The following NOMO1 variants were observed in gnomAD, a reference collection of about 807,000 sequenced individuals.
The protein encoded by NOMO1 is NODAL modulator 1, also known as nodal modulator 3.
A neutral mutation model predicts 133.8 loss-of-function variants in NOMO1; 40 were observed. The ratio of observed to expected loss-of-function variants is 0.30; its 90% CI spans 0.23 to 0.39. The LOEUF (loss-of-function observed/expected upper bound fraction) is 0.39. NOMO1 is among the 10% of genes least tolerant of loss of function. NOMO1 has a pLI of 1.00. For synonymous variants in NOMO1, 236 were observed against 570.5 expected, an observed-to-expected ratio of 0.41 and a Z score of 8.36; for missense variants, 462 against 1,419.9, an observed-to-expected ratio of 0.33 and a Z score of 10.84.
At chr16:14,860,350 A>C (rs960793944) in intron 11 of NOMO1, among the ~76,000 whole-genome samples, 4 of 150,258 alleles carry the variant, frequency 2.7e-5, no homozygotes, top group African/African-American at 9.8e-5. Flanking sequence ...CCTGGGCGAC[A>C]GGGTGAGATT....
chr16:14,868,397 G>T lies in NOMO1; in HGVS notation c.1807-151G>T, dbSNP rs1371172266. On this transcript the variant is annotated intron_variant, in intron 15 of 30. Coordinates refer to ENST00000287667, the MANE Select transcript of NOMO1 (RefSeq NM_014287.4). ...GAAAAATAGCACACTTTTGTTGGAA[G>T]TTTTGGGAGGTTTTTAATTTTCCTG... 1.2e-5 allele frequency: 7 copies of T among 576,414 alleles called. No homozygotes were observed. In the African/African-American group the frequency reaches 1.6e-4, roughly 13 times the overall value. The allele number at this position is 576,414 out of a possible 1,614,324, so 35.7% of individuals were successfully genotyped here.
intron 8 of NOMO1, 39 bp downstream of exon 8, chr16:14,853,643 C>T (rs752903871): frequency 6.8e-6 from 11 of 1,611,392 alleles, no homozygotes; most frequent in African/African-American, 1.3e-5. Flanking sequence ...ATGTCTGAGA[C>T]TCTCATGACA....
At chr16:14,885,552 A>C (rs1829344037) in intron 27 of NOMO1, among the ~76,000 whole-genome samples, 1 of 151,254 alleles carries the variant, frequency 6.6e-6, no homozygotes, top group African/African-American at 2.4e-5. Context: ...AGTATTTGGC[A>C]TGGGTGAGAA....
chr16:14,891,434 C>G (rs1964404010), intron 29 of NOMO1, among the ~76,000 whole-genome samples: 1 of 151,704 alleles, frequency 6.6e-6, no homozygotes, highest in Non-Finnish European at 1.5e-5. Context: ...TACTTTATTT[C>G]TATGTTAAAT....
intron 26 of NOMO1, among the ~76,000 whole-genome samples, chr16:14,883,772 G>A (rs2151010084): frequency 6.6e-6 from 1 of 151,332 alleles, no homozygotes; most frequent in South Asian, 2.1e-4. Context: ...CTGTGGCCGG[G>A]CAGGTATGAA....
intron 6 of NOMO1, among the ~76,000 whole-genome samples, chr16:14,851,014 G>T (rs1177381322): frequency 2.0e-5 from 3 of 147,082 alleles, no homozygotes; most frequent in Non-Finnish European, 1.5e-5. Flanking sequence ...AACCTGGGAG[G>T]TGGAGGTAGC....
chr16:14,894,173 T>A (rs1215834292), intron 29 of NOMO1, among the ~76,000 whole-genome samples: 3 of 151,792 alleles, frequency 2.0e-5, no homozygotes, highest in Non-Finnish European at 2.9e-5. Context: ...TGTCCAGGAG[T>A]GACCAGTGCA....
At chr16:14,836,466 T>C (rs1462872679) in intron 1 of NOMO1, among the ~76,000 whole-genome samples, 1 of 152,050 alleles carries the variant, frequency 6.6e-6, no homozygotes, top group Non-Finnish European at 1.5e-5. Context: ...TCATGGTTTG[T>C]TTCATGGTCA....
chr16:14,860,778 A>G (rs1470147960), intron 11 of NOMO1, among the ~76,000 whole-genome samples: 1 of 152,040 alleles, frequency 6.6e-6, no homozygotes, highest in African/African-American at 2.4e-5. Context: ...ACATTTTTGG[A>G]AAAATCTCTG....
intron 22 of NOMO1, among the ~76,000 whole-genome samples, chr16:14,878,024 A>G (rs1964185849): frequency 6.7e-6 from 1 of 149,610 alleles, no homozygotes; most frequent in African/African-American, 2.5e-5. Context: ...TGCAGTAGTT[A>G]AGAAACAGGC....
At chr16:14,835,368 T>A (rs1439536343) in intron 1 of NOMO1, among the ~76,000 whole-genome samples, 1 of 151,196 alleles carries the variant, frequency 6.6e-6, no homozygotes, top group Non-Finnish European at 1.5e-5. Context: ...TGCCACCGCC[T>A]AGGTCTGCAC....
At chr16:14,893,558 C>G (rs1161197034) in intron 29 of NOMO1, among the ~76,000 whole-genome samples, 2 of 151,972 alleles carry the variant, frequency 1.3e-5, no homozygotes, top group Non-Finnish European at 2.9e-5. Flanking sequence ...TCCAAAGATA[C>G]AGGAGTAGGC....
chr16:14,845,457 AGAG>A (rs1296922475), intron 4 of NOMO1, among the ~76,000 whole-genome samples: 1 of 152,076 alleles, frequency 6.6e-6, no homozygotes, highest in Non-Finnish European at 1.5e-5. Flanking sequence ...CTTCTCCCAG[AGAG>A]AGCATGCATC....
At chr16:14,864,463 A>G (rs1204125260) in intron 12 of NOMO1, 122 bp from the exon 13 acceptor site, 1 of 1,529,048 alleles carries the variant, frequency 6.5e-7, no homozygotes, top group African/African-American at 1.4e-5. Flanking sequence ...CGGCCTGGAA[A>G]CGAACCTTTG....
rs1462442071 is a variant in NOMO1, at chr16:14,886,205, A to G, written c.3223-556A>G. On this transcript the variant is annotated intron_variant, in intron 27 of 30. Coordinates refer to ENST00000287667, the MANE Select transcript of NOMO1 (RefSeq NM_014287.4). Reference sequence around the variant, plus strand: ...TGAAGCAGCGTGGAGAGCCACGTACATGATGGAATGCGTTTTGAGTTTAAC... The same window carrying G: ...TGAAGCAGCGTGGAGAGCCACGTACGTGATGGAATGCGTTTTGAGTTTAAC... Among the ~76,000 whole-genome samples, 3 of 151,082 alleles carry G rather than the reference A, an allele frequency of 2.0e-5. No homozygotes were observed. The East Asian group carries it at 5.8e-4, about 29-fold the overall frequency.
intron 18 of NOMO1, among the ~76,000 whole-genome samples, chr16:14,874,034 C>G (rs1248151687): frequency 1.4e-4 from 6 of 42,384 alleles, no homozygotes; most frequent in Admixed American, 3.8e-4. Context: ...GGTCTGACCC[C>G]CCTCTGGGGT....
In NOMO1 at chr16:14,871,573, G is replaced by T. The variant is rs142613400; in HGVS notation, c.1895-48G>T. ...ATTTCAGATGTCGGAATTGCTCGGT[G>T]TAATAGATGCCATTCTCTGAAAATT... On this transcript the variant is annotated intron_variant, in intron 16 of 30. Coordinates refer to ENST00000287667, the MANE Select transcript of NOMO1 (RefSeq NM_014287.4). The T allele has an allele frequency of 8.0e-4, 1,283 of 1,611,064 alleles. 26 individuals carry two copies. The African/African-American group carries it at 0.015, about 19-fold the overall frequency.
intron 9 of NOMO1, 144 bp from the exon 10 acceptor site, chr16:14,857,073 G>C: frequency 9.5e-7 from 1 of 1,049,246 alleles, no homozygotes; most frequent in Admixed American, 2.0e-5. Context: ...AGCCTGGCTG[G>C]CACACAGGAC....
intron 23 of NOMO1, 95 bp downstream of exon 23, chr16:14,878,929 A>G (rs1964202193): frequency 1.9e-6 from 3 of 1,545,778 alleles, no homozygotes; most frequent in Non-Finnish European, 2.7e-6. Flanking sequence ...CAACGTGAGA[A>G]GAGAAAGCCA....
Sources: gnomAD v4.1 joint callset for allele counts (sites outside exome capture counted in the v4.1 genomes callset) on GRCh38, gnomAD v4.1.1 for gene constraint, MANE v1.5 for transcripts, NCBI Gene and HGNC (gene_info 2026-07-23, HGNC 2026-07-21) for gene names.